The following PPP2R3B variants were observed in gnomAD, a reference collection of about 807,000 sequenced individuals.
PPP2R3B encodes the protein serine/threonine-protein phosphatase 2A regulatory subunit B'' subunit beta.
Under a neutral mutation model 72.9 loss-of-function variants are expected in PPP2R3B, and 68 were observed. The observed-to-expected ratio is 0.93, with a 90% CI of 0.77 to 1.14. The LOEUF (loss-of-function observed/expected upper bound fraction) is 1.14, where lower values mean the gene tolerates loss of function less well. Ranked by LOEUF, PPP2R3B falls within the 50% of genes most tolerant of loss-of-function variation. The pLI is 0.00. For synonymous variants in PPP2R3B, 466 were observed against 375.8 expected (o/e 1.24, Z -2.78); for missense variants, 1,018 against 842.0 (o/e 1.21, Z -2.59).
rs1273746336 is a variant in PPP2R3B at position 379,179 on chromosome X, A to C, written c.324+7189T>G. 1.7e-4 allele frequency among the ~76,000 whole-genome samples: 24 copies of C among 142,794 alleles called. No homozygotes were observed. In the Admixed American group the frequency reaches 1.7e-3, roughly 10 times the overall value. The allele number at this position is 142,794 out of a possible 152,430, so 93.7% of individuals were successfully genotyped here. ...TGTGTGCATGTACCTGTGTGTATGG[A>C]CCTATGTATGTGTGTATGCGTGTGT... On this transcript the variant is annotated intron_variant, in intron 1 of 12. Coordinates refer to ENST00000390665, the MANE Select transcript of PPP2R3B (RefSeq NM_013239.5).
chrX:341,635 A>G, intron 8 of PPP2R3B: 1 of 643,796 alleles, frequency 1.6e-6, no homozygotes, highest in South Asian at 1.9e-5. Context: ...ACTCAGGCCC[A>G]GCGCCCGACA....
intron 1 of PPP2R3B, among the ~76,000 whole-genome samples, chrX:372,217 G>A (rs1329819052): frequency 3.3e-5 from 5 of 152,190 alleles, no homozygotes; most frequent in Non-Finnish European, 7.3e-5. Context: ...CACCAGCCTC[G>A]CCCTTACCCA....
At chrX:355,523 C>G (rs1241756407) in intron 2 of PPP2R3B, among the ~76,000 whole-genome samples, 1 of 152,140 alleles carries the variant, frequency 6.6e-6, no homozygotes, top group East Asian at 1.9e-4. Context: ...ACGGTGCAGC[C>G]ACTCGGGAAG....
intron 1 of PPP2R3B, among the ~76,000 whole-genome samples, chrX:367,941 C>T (rs946758032): frequency 2.0e-5 from 3 of 152,204 alleles, no homozygotes; most frequent in African/African-American, 7.2e-5. Flanking sequence ...GATGGACAGA[C>T]CTGGAGACAG....
Position 341,370 on chromosome X carries a change from T to G in PPP2R3B, c.1112A>C (p.Lys371Thr), listed in dbSNP as rs764209965. The change falls in exon 9 of 13, where the codon AAG becomes ACG. Residue 371 changes from lysine to threonine, a missense_variant. Physicochemically the swap from Lys to Thr is moderately conservative, Grantham distance 78. Transcript: ENST00000390665. ...CCAGACAAAGTCGGCATAGCTGATC[T>G]TCCCTTCCTTCTGCACTTTTCTGCC... The part of the protein sequence containing the change: ...TRGRKVQKEG[K>T]ISYADFVWFL... 3.7e-6 allele frequency: 6 copies of G among 1,612,730 alleles called. No individual in the cohort carries two copies. Among genetic ancestry groups the G allele is most frequent in the Non-Finnish European group, 5.1e-6 (6 of 1,179,736 alleles).
At chrX:356,540 T>A (rs2071437305) in intron 2 of PPP2R3B, among the ~76,000 whole-genome samples, 1 of 152,128 alleles carries the variant, frequency 6.6e-6, no homozygotes, top group African/African-American at 2.4e-5. Context: ...TATAGCTTCT[T>A]ACAAAACTAA....
At chrX:345,804 G>T in intron 6 of PPP2R3B, 132 bp from the exon 7 acceptor site, 1 of 817,168 alleles carries the variant, frequency 1.2e-6, no homozygotes, top group Non-Finnish European at 1.8e-6. Flanking sequence ...TGGGCAGCTG[G>T]GGCCGGGGGG....
In PPP2R3B at chrX:363,542, CCCGCGATCCCGCAGTGCATCTCCATGAGT is replaced by C. The variant is rs2071601050; in HGVS notation, c.325-1981_325-1953del. Among the ~76,000 whole-genome samples the C allele has an allele frequency of 2.1e-3, 310 of 146,392 alleles. 1 individual carries two copies. Among genetic ancestry groups the C allele is most frequent in the Middle Eastern group, 4.2e-3 (1 of 240 alleles). ...CGATCCCGCAGTGCATCTCCCCGAG[CCCGCGATCCCGCAGTGCATCTCCATGAGT>C]CCACGATCCCACAATGCATCTCCCC... On this transcript the variant is annotated intron_variant, in intron 1 of 12. Transcript: ENST00000390665.
chrX:367,219 C>G (rs1569409090), intron 1 of PPP2R3B, among the ~76,000 whole-genome samples: 2 of 152,010 alleles, frequency 1.3e-5, no homozygotes, highest in Non-Finnish European at 2.9e-5. Context: ...GTGGGAAAAC[C>G]TCGGCAGCTG....
chrX:377,060 A>G (rs1369628737), intron 1 of PPP2R3B, among the ~76,000 whole-genome samples: 1 of 84,268 alleles, frequency 1.2e-5, no homozygotes, highest in African/African-American at 5.8e-5. Context: ...ACTACTGTGT[A>G]CAGGGACGGG....
chrX:379,169 G>C (rs2072066330), intron 1 of PPP2R3B, among the ~76,000 whole-genome samples: 2 of 151,514 alleles, frequency 1.3e-5, no homozygotes, highest in South Asian at 4.2e-4. Flanking sequence ...GCATGTACCT[G>C]TGTGTATGGA....
intron 2 of PPP2R3B, chrX:359,814 G>A (rs911920543): frequency 5.9e-6 from 3 of 511,850 alleles, no homozygotes; most frequent in Middle Eastern, 3.2e-4. Flanking sequence ...ACAATAAGAG[G>A]ATAAACCAAA....
intron 2 of PPP2R3B, among the ~76,000 whole-genome samples, chrX:352,036 G>A (rs1441095853): frequency 6.6e-6 from 1 of 152,154 alleles, no homozygotes; most frequent in Non-Finnish European, 1.5e-5. Flanking sequence ...CTGAGCGGGA[G>A]AGTGCTGGGC....
In PPP2R3B at chrX:338,593, T is replaced by C. The variant is rs2070957717; in HGVS notation, c.1577+11A>G. The C allele has an allele frequency of 6.4e-7, 1 of 1,569,018 alleles. No individual in the cohort carries two copies. Among genetic ancestry groups the C allele is most frequent in the Non-Finnish European group, 8.6e-7 (1 of 1,161,958 alleles). On this transcript the variant is annotated intron_variant, in intron 12 of 12. Coordinates refer to ENST00000390665, the MANE Select transcript of PPP2R3B (RefSeq NM_013239.5). ...GACCCGTCCCCCCACTCACCCGTCC[T>C]CCCCACTCACCCGTCCTCCCAGGGC...
chrX:371,171 G>A (rs1197068850), intron 1 of PPP2R3B, among the ~76,000 whole-genome samples: 1 of 152,094 alleles, frequency 6.6e-6, no homozygotes, highest in East Asian at 1.9e-4. Context: ...GGCAAGAAGA[G>A]CTCAGCCAAG....
chrX:353,490 T>C (rs1309071181), intron 2 of PPP2R3B, among the ~76,000 whole-genome samples: 3 of 152,196 alleles, frequency 2.0e-5, no homozygotes, highest in East Asian at 1.9e-4. Flanking sequence ...TGATGAGTTC[T>C]ACCAAACATT....
intron 1 of PPP2R3B, among the ~76,000 whole-genome samples, chrX:378,791 C>T (rs753027795): frequency 7.9e-5 from 12 of 152,254 alleles, no homozygotes; most frequent in African/African-American, 2.2e-4. Flanking sequence ...AGACTCTCAT[C>T]GGTGCCCACT....
At position 338,621 on chromosome X, in the gene PPP2R3B, T is replaced by C; in HGVS notation, c.1560A>G (p.Gly520=). The change falls in exon 12 of 13, where the codon GGA becomes GGG. Residue 520 remains glycine (G), a synonymous_variant. Transcript: ENST00000390665. ...YDILVAEETA[G]EPWEDGFEAE... ...CCACTCACCCGTCCTCCCAGGGCTC[T>C]CCCGCAGTCTCCTCGGCCACCAGGA... 1 of 1,609,162 alleles carries C rather than the reference T, an allele frequency of 6.2e-7. No homozygotes were observed. Among genetic ancestry groups the C allele is most frequent in the Non-Finnish European group, 8.5e-7 (1 of 1,179,356 alleles).
At position 341,296 on chromosome X, in the gene PPP2R3B, C is replaced by A. The variant is rs756162907; in HGVS notation, c.1175+11G>T. Reference sequence around the variant, plus strand: ...CCACTGGGACAAACGCATGCCGCAGCAGGAACCCACCTGGTCGGTGTTTTT... The same window carrying A: ...CCACTGGGACAAACGCATGCCGCAGAAGGAACCCACCTGGTCGGTGTTTTT... On this transcript the variant is annotated intron_variant, in intron 9 of 12. Coordinates refer to ENST00000390665, the MANE Select transcript of PPP2R3B (RefSeq NM_013239.5). 1.9e-6 allele frequency: 3 copies of A among 1,612,584 alleles called. No homozygotes were observed. The highest frequency in any genetic ancestry group is 2.5e-6 in the Non-Finnish European group (3 of 1,179,716).
Sources: allele counts gnomAD v4.1 joint callset (sites outside exome capture counted in the v4.1 genomes callset), GRCh38; gene constraint gnomAD v4.1.1; transcripts MANE v1.5; gene names NCBI Gene and HGNC (gene_info 2026-07-23, HGNC 2026-07-21).